CHD1L: variants seen among roughly 807,000 people sequenced by gnomAD.
The protein encoded by CHD1L is chromodomain helicase DNA binding protein 1 like.
In CHD1L, 118 loss-of-function variants were observed where a neutral mutation model predicts 115.9. The ratio of observed to expected loss-of-function variants is 1.02; its 90% CI spans 0.88 to 1.19. The LOEUF (loss-of-function observed/expected upper bound fraction) is 1.19, where lower values mean the gene tolerates loss of function less well. Among genes scored for constraint, CHD1L ranks in the 50% most tolerant of loss-of-function variants. The probability of loss-of-function intolerance (pLI) is 0.00; values close to 1 mark genes in which losing one functional copy is unlikely to be tolerated. For missense variants in CHD1L, 1,179 were observed against 1,065.3 expected (o/e 1.11, Z -1.49); for synonymous variants, 411 against 387.1 (o/e 1.06, Z -0.72).
chr1:147,188,383 G>A, the CHD1L span, among the ~76,000 whole-genome samples: 2 of 151,818 alleles, frequency 1.3e-5, no homozygotes, highest in Non-Finnish European at 2.9e-5. Context: ...AATTAGCTGG[G>A]CGTTGTTAGT....
rs1553973102 is a variant in CHD1L at position 147,293,657 on chromosome 1, G to T, written c.2441G>T (p.Gly814Val). The part of the protein sequence containing the change: ...QHRDRSNVLS[G>V]IKMAALEEGL... ...CGTGATCGTTCCAATGTCCTGTCTG[G>T]CATTAAGATGGCAGCCCTAGAAGAG... is the stretch of plus-strand genomic sequence containing the variant. The change falls in exon 21 of 23, where the codon GGC becomes GTC. Residue 814 changes from glycine (G) to valine (V), a missense_variant. Transcript: ENST00000369258. 1.9e-6 allele frequency: 3 copies of T among 1,614,146 alleles called. No individual in the cohort carries two copies. In the Admixed American group the frequency reaches 5.0e-5, roughly 27 times the overall value.
chr1:147,197,271 T>C, the CHD1L span, among the ~76,000 whole-genome samples: 2 of 152,184 alleles, frequency 1.3e-5, no homozygotes, highest in African/African-American at 2.4e-5. Context: ...TAAATTCCTA[T>C]GTAGTTGTAG....
At chr1:147,262,188 T>A (rs1461242832) in intron 6 of CHD1L, among the ~76,000 whole-genome samples, 2 of 89,364 alleles carry the variant, frequency 2.2e-5, no homozygotes, top group Admixed American at 1.2e-4. Flanking sequence ...AGAGCGAGAC[T>A]CTGTCTCAAA....
At chr1:147,229,789 C>T in the CHD1L span, among the ~76,000 whole-genome samples, 1 of 151,902 alleles carries the variant, frequency 6.6e-6, no homozygotes, top group Non-Finnish European at 1.5e-5. Context: ...TGGGAGTTCA[C>T]TCATGATTTG....
the CHD1L span, among the ~76,000 whole-genome samples, chr1:147,183,306 T>G: frequency 1.3e-5 from 2 of 152,210 alleles, no homozygotes; most frequent in East Asian, 3.8e-4. Context: ...TAATCTCCTT[T>G]GTCACTTTTT....
chr1:147,254,507 C>T (rs1246934364), intron 2 of CHD1L, among the ~76,000 whole-genome samples: 2 of 152,206 alleles, frequency 1.3e-5, no homozygotes, highest in African/African-American at 4.8e-5. Context: ...TATCTTGGCA[C>T]TTCTTGCTTA....
rs781895819 is a variant in CHD1L at position 147,284,480 on chromosome 1, C to G, written c.1835C>G (p.Ser612Ter). 1.9e-6 allele frequency: 3 copies of G among 1,604,286 alleles called. No individual in the cohort carries two copies. Among genetic ancestry groups the G allele is most frequent in the Non-Finnish European group, 2.5e-6 (3 of 1,177,142 alleles). The change falls in exon 16 of 23, where the codon TCA becomes TGA. Residue 612 changes from serine (S) to a stop codon, truncating the protein, a stop_gained. Transcript: ENST00000369258. LOFTEE classifies it high-confidence loss of function. ...GAGAAAGCTAGTCAAGAGGGCCGAT[C>G]ACTCCGAAATAAAGGCAGTGTAAGA... ...LLEKASQEGR[S>*]LRNKGSVLIP...
At chr1:147,224,108 G>A in the CHD1L span, 2 of 354,778 alleles carry the variant, frequency 5.6e-6, no homozygotes, top group East Asian at 8.9e-5. Flanking sequence ...CATTATCAAG[G>A]GTGAGGTAAG....
chr1:147,190,984 T>G, the CHD1L span, among the ~76,000 whole-genome samples: 80 of 152,126 alleles, frequency 5.3e-4, no homozygotes, highest in African/African-American at 1.9e-3. Flanking sequence ...GTTTCCAGTT[T>G]AATCCATGTC....
At chr1:147,293,369 GT>G (rs1335122322) in intron 20 of CHD1L, among the ~76,000 whole-genome samples, 2 of 151,866 alleles carry the variant, frequency 1.3e-5, no homozygotes, top group Admixed American at 6.6e-5. Flanking sequence ...TCATTCTCTG[GT>G]TTTAAAGTAT....
At position 147,255,843 on chromosome 1, in the gene CHD1L, T is replaced by C. The variant is rs1284893030; in HGVS notation, c.378T>C (p.Tyr126=). 2.5e-6 allele frequency: 4 copies of C among 1,613,822 alleles called. No homozygotes were observed. Among genetic ancestry groups the C allele is most frequent in the Non-Finnish European group, 3.4e-6 (4 of 1,179,818 alleles). Residue 126 remains tyrosine (Y), a synonymous_variant, in exon 4 of 23, where the codon TAT becomes TAC. Coordinates refer to ENST00000369258, the MANE Select transcript of CHD1L (RefSeq NM_004284.6). ...CTCCAGGTCTTTCCTGTGTAACATA[T>C]GCAGGCGACAAGGAGGAAAGAGCCT... The part of the protein sequence containing the change: ...RFAPGLSCVT[Y]AGDKEERACL...
the CHD1L span, among the ~76,000 whole-genome samples, chr1:147,196,603 A>T: frequency 0.59 from 90,211 of 151,890 alleles, 28,915 homozygotes; most frequent in East Asian, 0.88. Flanking sequence ...TAAAAAAATT[A>T]AAAAATTTTA....
At chr1:147,293,514 A>ACCG in intron 20 of CHD1L, 94 bp from the exon 21 acceptor site, 1 of 917,894 alleles carries the variant, frequency 1.1e-6, no homozygotes. Flanking sequence ...AGCCCAAGTG[A>ACCG]CCCATCAAGG....
chr1:147,241,413 C>A (rs1664870172), upstream of CHD1L, among the ~76,000 whole-genome samples: 1 of 152,188 alleles, frequency 6.6e-6, no homozygotes, highest in Non-Finnish European at 1.5e-5. Context: ...CTCCTGCCCG[C>A]CACAGAACAA....
the CHD1L span, chr1:147,186,999 T>C: frequency 6.2e-7 from 1 of 1,614,220 alleles, no homozygotes; most frequent in Non-Finnish European, 8.5e-7. Context: ...CAACTACTCT[T>C]GTCATCAGAG....
the CHD1L span, among the ~76,000 whole-genome samples, chr1:147,184,930 A>C: frequency 6.6e-6 from 1 of 152,222 alleles, no homozygotes; most frequent in East Asian, 1.9e-4. The surrounding 1 kb of genome is among the most constrained non-coding windows in gnomAD (Gnocchi z 4.4). Context: ...AGATTCATCT[A>C]TTCTACCCCA....
chr1:147,293,881 C>T (rs1166656410), intron 21 of CHD1L, among the ~76,000 whole-genome samples, 159 bp downstream of exon 21: 1 of 151,996 alleles, frequency 6.6e-6, no homozygotes, highest in Non-Finnish European at 1.5e-5. Flanking sequence ...TCATATAGCC[C>T]CTTGTCCTTT....
chr1:147,254,367 C>T (rs1283158785), intron 2 of CHD1L, among the ~76,000 whole-genome samples: 1 of 151,954 alleles, frequency 6.6e-6, no homozygotes, highest in Non-Finnish European at 1.5e-5. Flanking sequence ...CCTGTAAATA[C>T]ATATGGAAGA....
chr1:147,190,836 C>T, the CHD1L span, among the ~76,000 whole-genome samples: 1 of 151,736 alleles, frequency 6.6e-6, no homozygotes, highest in South Asian at 2.1e-4. Flanking sequence ...CTCCCCACTA[C>T]CCCCACCCCA....
Sources: allele counts gnomAD v4.1 joint callset (sites outside exome capture counted in the v4.1 genomes callset), GRCh38; gene constraint gnomAD v4.1.1; non-coding constraint Gnocchi (gnomAD v3.1); transcripts MANE v1.5; gene names NCBI Gene and HGNC (gene_info 2026-07-23, HGNC 2026-07-21).